FGF14: variants seen among roughly 807,000 people sequenced by gnomAD.
The protein encoded by FGF14 is fibroblast growth factor homologous factor 4.
Under a neutral mutation model 25.5 loss-of-function variants are expected in FGF14, and 5 were observed. The ratio of observed to expected loss-of-function variants is 0.20; its 90% CI spans 0.10 to 0.41. FGF14 has a LOEUF of 0.41. Among genes scored for constraint, FGF14 ranks in the 10% least tolerant of loss-of-function variants. The probability of loss-of-function intolerance (pLI) is 1.00; values close to 1 mark genes in which losing one functional copy is unlikely to be tolerated. For missense variants in FGF14, 222 were observed against 320.1 expected, an observed-to-expected ratio of 0.69 and a Z score of 2.34; for synonymous variants, 138 against 118.3, an observed-to-expected ratio of 1.17 and a Z score of -1.08.
chr13:102,221,946 C>A (rs1483640745), intron 1 of FGF14, among the ~76,000 whole-genome samples: 3 of 152,126 alleles, frequency 2.0e-5, no homozygotes, highest in African/African-American at 7.2e-5. Flanking sequence ...ATTCTGTAGA[C>A]ACTAGAAATT....
intron 1 of FGF14, among the ~76,000 whole-genome samples, chr13:102,380,115 A>C (rs1032074416): frequency 1.3e-5 from 2 of 151,918 alleles, no homozygotes; most frequent in African/African-American, 4.8e-5. Context: ...CTTAAATGCA[A>C]GATAACCAAA....
chr13:102,274,880 CTCG>C, intron 1 of FGF14, among the ~76,000 whole-genome samples: 1 of 150,968 alleles, frequency 6.6e-6, no homozygotes, highest in East Asian at 1.9e-4. Flanking sequence ...TTTGTTTTTA[CTCG>C]TCATTATTTA....
intron 1 of FGF14, among the ~76,000 whole-genome samples, chr13:102,033,093 C>T (rs2041291090): frequency 6.6e-6 from 1 of 152,042 alleles, no homozygotes. Context: ...AATACCCTAC[C>T]CATAAACTTT....
At chr13:102,309,940 T>A (rs911728836) in intron 1 of FGF14, among the ~76,000 whole-genome samples, 1 of 152,142 alleles carries the variant, frequency 6.6e-6, no homozygotes, top group African/African-American at 2.4e-5. Flanking sequence ...TCTGATAAGG[T>A]CTCCATGACC....
rs1469235043 is a variant in FGF14 at position 101,715,954 on chromosome 13, T to TG, written c.*6876dup. ...CTACAGACAATTTTGATTGTCACACTGGGTCGGGTAGGAAGGTATGCTGCA... is the reference window on the plus strand; with the variant it reads ...CTACAGACAATTTTGATTGTCACACTGGGGTCGGGTAGGAAGGTATGCTGCA... On this transcript the variant is annotated 3_prime_UTR_variant, in exon 5 of 5. Transcript: ENST00000376143. 2 of 323,544 alleles carry TG rather than the reference T, an allele frequency of 6.2e-6. No homozygotes were observed. Among genetic ancestry groups the TG allele is most frequent in the African/African-American group, 4.3e-5 (2 of 46,458 alleles). 20.0% of individuals were successfully genotyped at this position (323,544 alleles called of 1,614,324 possible).
chr13:102,259,851 G>A (rs1386780594), intron 1 of FGF14, among the ~76,000 whole-genome samples: 4 of 152,192 alleles, frequency 2.6e-5, no homozygotes, highest in African/African-American at 9.7e-5. Context: ...CTGTTTCTAT[G>A]ACACCCATTG....
chr13:101,987,896 T>C (rs895714266), intron 1 of FGF14, among the ~76,000 whole-genome samples: 7 of 152,126 alleles, frequency 4.6e-5, no homozygotes, highest in African/African-American at 1.7e-4. Flanking sequence ...ACTATGTTTA[T>C]GGATATATAG....
At chr13:102,361,939 T>C (rs1160211365) in intron 1 of FGF14, among the ~76,000 whole-genome samples, 2 of 152,170 alleles carry the variant, frequency 1.3e-5, no homozygotes, top group Non-Finnish European at 2.9e-5. Flanking sequence ...ACGGTGTCAG[T>C]AGCCCAGTCT....
intron 1 of FGF14, among the ~76,000 whole-genome samples, chr13:102,114,932 A>G (rs2045398654): frequency 6.6e-6 from 1 of 152,190 alleles, no homozygotes; most frequent in Admixed American, 6.5e-5. Flanking sequence ...CAATAATTAT[A>G]TATTGAACAC....
chr13:101,778,589 T>C (rs1447591525), intron 3 of FGF14, among the ~76,000 whole-genome samples: 2 of 152,136 alleles, frequency 1.3e-5, no homozygotes, highest in African/African-American at 2.4e-5. Flanking sequence ...GTAACATCCT[T>C]CTCCTGTCCT....
At chr13:101,862,908 T>C (rs1291509527) in intron 3 of FGF14, among the ~76,000 whole-genome samples, 1 of 152,118 alleles carries the variant, frequency 6.6e-6, no homozygotes, top group African/African-American at 2.4e-5. Context: ...CTTTAAAGTA[T>C]GTGCAAATGT....
intron 1 of FGF14, among the ~76,000 whole-genome samples, chr13:101,935,475 T>C (rs763679937): frequency 6.6e-6 from 1 of 152,164 alleles, no homozygotes; most frequent in Non-Finnish European, 1.5e-5. Flanking sequence ...GGGGAGTGAT[T>C]GGATCATGAG....
At chr13:102,289,162 G>A (rs1485970827) in intron 1 of FGF14, among the ~76,000 whole-genome samples, 2 of 152,152 alleles carry the variant, frequency 1.3e-5, no homozygotes, top group African/African-American at 4.8e-5. Context: ...CACTCCTTGA[G>A]TGTGGTCTCT....
At chr13:101,830,055 A>C (rs2042591483) in intron 3 of FGF14, among the ~76,000 whole-genome samples, 1 of 152,098 alleles carries the variant, frequency 6.6e-6, no homozygotes, top group African/African-American at 2.4e-5. Flanking sequence ...AGGCGACTGA[A>C]TCTCCTGAAG....
rs2037572571 is a variant in FGF14, at chr13:101,755,323, C to T, written c.409-28513G>A. On this transcript the variant is annotated intron_variant, in intron 3 of 4. Transcript: ENST00000376143. ...AATTTTCTTTATGTCTGTCAATTGC[C>T]TCTTAAACTTTACGTTACACATGAA... Among the ~76,000 whole-genome samples the T allele has an allele frequency of 2.0e-5, 3 of 152,032 alleles. No individual in the cohort carries two copies. In the South Asian group the frequency reaches 6.2e-4, roughly 32 times the overall value.
chr13:102,167,761 C>T (rs1195609910), intron 1 of FGF14, among the ~76,000 whole-genome samples: 2 of 149,482 alleles, frequency 1.3e-5, no homozygotes, highest in African/African-American at 4.9e-5. Context: ...TTAGAGAATC[C>T]TCATTAAGAT....
intron 1 of FGF14, among the ~76,000 whole-genome samples, chr13:102,352,970 AAG>A (rs1424437639): frequency 6.6e-6 from 1 of 152,082 alleles, no homozygotes; most frequent in Non-Finnish European, 1.5e-5. Flanking sequence ...GCTATCCTGA[AAG>A]AGTCTTGAAT....
At chr13:102,161,570 A>AAAGAAGAAAGAAGAAAGAAGAAAGAAG (rs1555369389) in intron 1 of FGF14, among the ~76,000 whole-genome samples, 2 of 5,652 alleles carry the variant, frequency 3.5e-4, no homozygotes, top group African/African-American at 3.0e-3. Context: ...TTCTGTGAAG[A>AAAGAAGAAAGAAGAAAGAAGAAAGAAG]AAGAAAGAAG....
chr13:101,983,202 T>A (rs2038368518), intron 1 of FGF14, among the ~76,000 whole-genome samples: 1 of 152,186 alleles, frequency 6.6e-6, no homozygotes, highest in Non-Finnish European at 1.5e-5. Context: ...TGTACCCTTG[T>A]ATCTCTCCAA....
Sources: allele counts gnomAD v4.1 joint callset (sites outside exome capture counted in the v4.1 genomes callset), GRCh38; gene constraint gnomAD v4.1.1; transcripts MANE v1.5; gene names NCBI Gene and HGNC (gene_info 2026-07-23, HGNC 2026-07-21).